CACNA1E: variants seen among roughly 807,000 people sequenced by gnomAD.
The protein encoded by CACNA1E is voltage-dependent R-type calcium channel subunit alpha-1E.
Under a neutral mutation model 259.2 loss-of-function variants are expected in CACNA1E, and 40 were observed. The observed-to-expected ratio is 0.15, with a 90% confidence interval of 0.12 to 0.20. CACNA1E has a LOEUF of 0.20. Ranked by LOEUF, CACNA1E falls within the 10% of genes least tolerant of loss-of-function variation. The pLI is 1.00. For missense variants in CACNA1E, 1,874 were observed against 3,040.1 expected (o/e 0.62, Z 9.02); for synonymous variants, 1,104 against 1,138.5 (o/e 0.97, Z 0.61).
chr1:181,747,228 G>A (rs868363165), intron 25 of CACNA1E, among the ~76,000 whole-genome samples: 4 of 152,216 alleles, frequency 2.6e-5, no homozygotes, highest in Admixed American at 6.5e-5. Flanking sequence ...AGGACAGAAG[G>A]GTTCTTTAGA....
rs1656256156 is a variant in CACNA1E at position 181,738,360 on chromosome 1, C to T, written c.3553-7C>T. ...GGTCATTTCCTTCCACCATATGTGTCTTTCAGGTCCTGAGGTATTTTGACT... is the reference window on the plus strand; with the variant it reads ...GGTCATTTCCTTCCACCATATGTGTTTTTCAGGTCCTGAGGTATTTTGACT... On this transcript the variant is annotated splice_polypyrimidine_tract_variant and splice_region_variant and intron_variant, in intron 23 of 47. Transcript: ENST00000367573. 6.2e-7 allele frequency: 1 copy of T among 1,612,768 alleles called. No individual in the cohort carries two copies. The highest frequency in any genetic ancestry group is 1.3e-5 in the African/African-American group (1 of 74,902).
intron 43 of CACNA1E, among the ~76,000 whole-genome samples, chr1:181,789,034 AT>A (rs11353754): frequency 0.79 from 119,733 of 152,036 alleles, 47,312 homozygotes; most frequent in African/African-American, 0.85. Context: ...CTGCTGGCTA[AT>A]TTTTTTTGTA....
rs529302691 is a variant in CACNA1E at position 181,433,892 on chromosome 1, C to A, written c.434+20312C>A. On this transcript the variant is annotated intron_variant, in intron 2 of 11. Coordinates refer to the CACNA1E transcript ENST00000524607. ...GACTTAGATAAACTTAGTATCTGCC[C>A]TGCTTCTCATTCCTCCTTGTTGAAG... Among the ~76,000 whole-genome samples the A allele has an allele frequency of 1.2e-3, 178 of 152,314 alleles. 1 individual carries two copies. Among genetic ancestry groups the A allele is most frequent in the Admixed American group, 5.8e-3 (89 of 15,302 alleles).
chr1:181,742,569 A>G (rs905840769), intron 25 of CACNA1E, among the ~76,000 whole-genome samples: 7 of 152,318 alleles, frequency 4.6e-5, no homozygotes, highest in Middle Eastern at 3.4e-3. Flanking sequence ...CCATGGTAGC[A>G]TCTTTCTGTG....
At chr1:181,554,917 G>A (rs1478210814) in intron 3 of CACNA1E, among the ~76,000 whole-genome samples, 1 of 152,146 alleles carries the variant, frequency 6.6e-6, no homozygotes, top group African/African-American at 2.4e-5. Context: ...CTCTATGACA[G>A]CTTTTTATCA....
chr1:181,483,916 G>A lies in CACNA1E; in HGVS notation c.172G>A (p.Val58Ile). Reference sequence around the variant, plus strand: ...TATGGCTTTGTACAACCCCATTCCCGTCCGGCAGAACTGTTTCACCGTCAA... The same window carrying A: ...TATGGCTTTGTACAACCCCATTCCCATCCGGCAGAACTGTTTCACCGTCAA... ...RTMALYNPIP[V>I]RQNCFTVNRS... Residue 58 changes from valine (V) to isoleucine (I), a missense_variant, in exon 1 of 48, where the codon GTC (valine) becomes ATC (isoleucine). Val to Ile is a conservative substitution (Grantham distance 29). Transcript: ENST00000367573. 8 of 1,613,662 alleles carry A rather than the reference G, an allele frequency of 5.0e-6. No individual in the cohort carries two copies. The highest frequency in any genetic ancestry group is 6.8e-6 in the Non-Finnish European group (8 of 1,179,794).
At chr1:181,681,602 C>T (rs1649979086) in intron 7 of CACNA1E, among the ~76,000 whole-genome samples, 1 of 149,484 alleles carries the variant, frequency 6.7e-6, no homozygotes, top group African/African-American at 2.4e-5. Context: ...CATGTTACTC[C>T]CTTATGTAAA....
chr1:181,627,533 A>G (rs1405194197), intron 6 of CACNA1E, among the ~76,000 whole-genome samples: 1 of 152,210 alleles, frequency 6.6e-6, no homozygotes, highest in Non-Finnish European at 1.5e-5. Context: ...TGGGCAAAGT[A>G]GAGCCACTGC....
In CACNA1E at chr1:181,485,693, G is replaced by T; in HGVS notation, c.266+1683G>T. ...CAGATCTCATTGTGTTGTGTGCTGC[G>T]GCTGCAAATATTCCTCTAGGCAGTC... On this transcript the variant is annotated intron_variant, in intron 1 of 47. Coordinates refer to ENST00000367573, the MANE Select transcript of CACNA1E (RefSeq NM_001205293.3). This position sits in a 1 kb window ranked among gnomAD's most constrained non-coding sequence, Gnocchi z 4.2. 6.6e-6 allele frequency among the ~76,000 whole-genome samples: 1 copy of T among 152,218 alleles called. No homozygotes were observed. The highest frequency in any genetic ancestry group is 1.9e-4 in the East Asian group (1 of 5,194).
At chr1:181,703,314 CT>C (rs1558284405) in intron 7 of CACNA1E, among the ~76,000 whole-genome samples, 1 of 152,154 alleles carries the variant, frequency 6.6e-6, no homozygotes, top group African/African-American at 2.4e-5. Flanking sequence ...TCACAACAAC[CT>C]TTTGAGATAG....
chr1:181,651,552 T>C lies in CACNA1E; in HGVS notation c.1055+111T>C, dbSNP rs772693746. ...ATTTAACCTTCATTTAGAAGACACT[T>C]ACCTAGCAGTTCCTCTGTGCCAAAT... is the stretch of plus-strand genomic sequence containing the variant. On this transcript the variant is annotated intron_variant, in intron 7 of 47. Transcript: ENST00000367573. 2.2e-5 allele frequency: 16 copies of C among 724,740 alleles called. No individual in the cohort carries two copies. In the Middle Eastern group the frequency reaches 7.4e-4, roughly 33 times the overall value. 44.9% of individuals were successfully genotyped at this position (724,740 alleles called of 1,614,324 possible).
In CACNA1E at chr1:181,798,724, A is replaced by G. The variant is rs200469194; in HGVS notation, c.6832A>G (p.Met2278Val). 7.2e-4 allele frequency: 1,163 copies of G among 1,608,666 alleles called. 5 individuals carry two copies. Among genetic ancestry groups the G allele is most frequent in the Non-Finnish European group, 8.6e-4 (1,013 of 1,176,608 alleles). The change falls in exon 48 of 48, where the codon ATG becomes GTG. Residue 2278 changes from methionine to valine, a missense_variant. Met to Val is a conservative substitution (Grantham distance 21). Coordinates refer to ENST00000367573, the MANE Select transcript of CACNA1E (RefSeq NM_001205293.3). The surrounding 1 kb of genome is among the most constrained non-coding windows in gnomAD (Gnocchi z 4.2). The stretch of plus-strand genomic sequence containing the variant: ...CCCACCCCTGCGGCATAGCTGGCAG[A>G]TGCCCAACGGGCACTATCGGCGGCG... ...SAPPLRHSWQMPNGHYRRRRR... is the reference protein window; with the variant it reads ...SAPPLRHSWQVPNGHYRRRRR...
chr1:181,542,511 GT>G (rs1365076064), intron 3 of CACNA1E, among the ~76,000 whole-genome samples: 3 of 152,004 alleles, frequency 2.0e-5, no homozygotes, highest in African/African-American at 7.3e-5. Context: ...CATGGGGGTG[GT>G]TTCCCCCATG....
intron 7 of CACNA1E, among the ~76,000 whole-genome samples, chr1:181,694,146 G>A (rs1558274282): frequency 6.6e-6 from 1 of 152,096 alleles, no homozygotes; most frequent in South Asian, 2.1e-4. Flanking sequence ...AAAATATAAA[G>A]GATAATATGT....
intron 1 of CACNA1E, among the ~76,000 whole-genome samples, chr1:181,490,149 G>A (rs1180818827): frequency 6.6e-6 from 1 of 152,136 alleles, no homozygotes; most frequent in African/African-American, 2.4e-5. Context: ...GAGCCCCAGT[G>A]TCCTCATCTC....
chr1:181,559,162 G>A (rs1158252275), intron 3 of CACNA1E, among the ~76,000 whole-genome samples: 1 of 152,214 alleles, frequency 6.6e-6, no homozygotes, highest in African/African-American at 2.4e-5. Context: ...GTTTGTTCCT[G>A]GGAAAGGTTT....
Position 181,483,931 on chromosome 1 carries a change from T to A in CACNA1E, c.187T>A (p.Phe63Ile). Residue 63 changes from phenylalanine to isoleucine, a missense_variant, in exon 1 of 48, where the codon TTC becomes ATC. This residue lies in a region of CACNA1E where 110 missense variants were observed against 122.8 expected (regional missense o/e 0.90). Transcript: ENST00000367573. ...YNPIPVRQNC[F>I]TVNRSLFIFG... ...CCCCATTCCCGTCCGGCAGAACTGT[T>A]TCACCGTCAACAGATCCCTGTTCAT... 1 of 1,613,738 alleles carries A rather than the reference T, an allele frequency of 6.2e-7. No individual in the cohort carries two copies. Among genetic ancestry groups the A allele is most frequent in the South Asian group, 1.1e-5 (1 of 91,058 alleles).
rs61813177 is a variant in CACNA1E at position 181,683,055 on chromosome 1, C to T, written c.1056-27899C>T. ...AGTTCCTTCCATAGAATTGGAGCCCCTCCCCTCCCTATGTTATCCATGTCC... is the reference window on the plus strand; with the variant it reads ...AGTTCCTTCCATAGAATTGGAGCCCTTCCCCTCCCTATGTTATCCATGTCC... On this transcript the variant is annotated intron_variant, in intron 7 of 47. Transcript: ENST00000367573. Among the ~76,000 whole-genome samples the T allele has an allele frequency of 9.1e-3, 1,380 of 152,282 alleles. 8 individuals carry two copies. Among genetic ancestry groups the T allele is most frequent in the Non-Finnish European group, 0.014 (956 of 68,020 alleles).
In CACNA1E at chr1:181,802,061, C is replaced by CAGAG. The variant is rs1170643630; in HGVS notation, c.*3228_*3231dup. The CAGAG allele has an allele frequency of 1.3e-5, 2 of 152,222 alleles. No individual in the cohort carries two copies. The highest frequency in any genetic ancestry group is 4.8e-5 in the African/African-American group (2 of 41,458). 9.4% of individuals were successfully genotyped at this position (152,222 alleles called of 1,614,324 possible). On this transcript the variant is annotated 3_prime_UTR_variant, in exon 48 of 48. Coordinates refer to ENST00000367573, the MANE Select transcript of CACNA1E (RefSeq NM_001205293.3). ...GTCTGTCTCCCCATCTCCTAGAGGA[C>CAGAG]AGAGTGCCAGCGACCTCTGGACAGG...
Sources: allele counts gnomAD v4.1 joint callset (sites outside exome capture counted in the v4.1 genomes callset), GRCh38; gene constraint gnomAD v4.1.1; regional missense constraint gnomAD v4.1.1; non-coding constraint Gnocchi (gnomAD v3.1); transcripts MANE v1.5; gene names NCBI Gene and HGNC (gene_info 2026-07-23, HGNC 2026-07-21).